Variants in LPA observed in about 807,000 individuals in gnomAD.
LPA encodes lipoprotein(a).
LPA carries 199 observed loss-of-function variants against 197.9 expected under a neutral mutation model. That is an observed-to-expected ratio of 1.01 (90% CI 0.90 to 1.13). The LOEUF (loss-of-function observed/expected upper bound fraction) is 1.13, where lower values mean the gene tolerates loss of function less well. Ranked by LOEUF, LPA falls within the 50% of genes most tolerant of loss-of-function variation. The pLI, the probability that LPA is intolerant of heterozygous loss-of-function variation, is 0.00. For synonymous variants in LPA, 715 were observed against 639.5 expected, an observed-to-expected ratio of 1.12 and a Z score of -1.78; for missense variants, 1,853 against 1,785.8, an observed-to-expected ratio of 1.04 and a Z score of -0.68.
At chr6:160,560,382 T>C (rs2115014892) in intron 28 of LPA, among the ~76,000 whole-genome samples, 1 of 152,346 alleles carries the variant, frequency 6.6e-6, no homozygotes, top group African/African-American at 2.4e-5. Context: ...TCCACAATGG[T>C]TGAACTAATT....
chr6:160,576,032 C>G (rs1003036579), intron 28 of LPA, among the ~76,000 whole-genome samples: 1 of 152,034 alleles, frequency 6.6e-6, no homozygotes, highest in African/African-American at 2.4e-5. Flanking sequence ...ATACAGCACA[C>G]TTATGGGGTT....
chr6:160,553,942 T>TGTGTGTGTGTGC (rs1448219805), intron 30 of LPA, among the ~76,000 whole-genome samples: 2 of 115,504 alleles, frequency 1.7e-5, no homozygotes, highest in African/African-American at 7.7e-5. Context: ...TCTCTCTGTG[T>TGTGTGTGTGTGC]GTGTGTGTGT....
intron 1 of LPA, among the ~76,000 whole-genome samples, chr6:160,662,157 T>C (rs575000276): frequency 2.6e-5 from 4 of 152,246 alleles, no homozygotes; most frequent in Non-Finnish European, 5.9e-5. Flanking sequence ...AGGGCTCATA[T>C]GGCAATGGGG....
chr6:160,610,490 T>C lies in LPA; in HGVS notation c.2603+1072A>G, dbSNP rs150551747. 4.2e-3 allele frequency among the ~76,000 whole-genome samples: 635 copies of C among 152,326 alleles called. 8 individuals carry two copies. The highest frequency in any genetic ancestry group is 0.015 in the African/African-American group (603 of 41,542). ...CAATAACACAGAGTGCTATGTGATC[T>C]CTATCTTCTTAATTGAGCTTGCTGT... On this transcript the variant is annotated intron_variant, in intron 16 of 38. Transcript: ENST00000316300.
At chr6:160,558,881 G>A (rs899637636) in intron 28 of LPA, among the ~76,000 whole-genome samples, 1 of 152,180 alleles carries the variant, frequency 6.6e-6, no homozygotes, top group African/African-American at 2.4e-5. Context: ...AACGTATTAT[G>A]TGCCATGGGA....
At chr6:160,533,231 G>A (rs1777834311) in intron 37 of LPA, among the ~76,000 whole-genome samples, 1 of 152,044 alleles carries the variant, frequency 6.6e-6, no homozygotes, top group Non-Finnish European at 1.5e-5. Flanking sequence ...GCCACTCAGT[G>A]GTACCTGCAA....
At chr6:160,555,455 ATGTGTGTG>A (rs112444533) in intron 30 of LPA, among the ~76,000 whole-genome samples, 15 of 133,014 alleles carry the variant, frequency 1.1e-4, no homozygotes, top group Middle Eastern at 3.9e-3. Context: ...ATATATATAT[ATGTGTGTG>A]TATATATATA....
chr6:160,578,847 A>T, intron 26 of LPA, 143 bp from the exon 27 acceptor site: 2 of 1,247,956 alleles, frequency 1.6e-6, no homozygotes, highest in South Asian at 1.3e-5. Flanking sequence ...TGCCACAAGC[A>T]CAAATGGTCT....
At chr6:160,594,310 A>G (rs1779089149) in intron 21 of LPA, among the ~76,000 whole-genome samples, 193 bp from the exon 22 acceptor site, 1 of 152,234 alleles carries the variant, frequency 6.6e-6, no homozygotes, top group Non-Finnish European at 1.5e-5. Flanking sequence ...ACGAGTTCTT[A>G]GAAAGATTTC....
intron 1 of LPA, among the ~76,000 whole-genome samples, chr6:160,657,051 C>G (rs898650206): frequency 2.2e-4 from 33 of 152,326 alleles, no homozygotes; most frequent in African/African-American, 7.5e-4. Context: ...CACTTGGCCC[C>G]TGCCACCTCA....
At chr6:160,539,049 A>T (rs1403281763) in intron 36 of LPA, among the ~76,000 whole-genome samples, 1 of 152,196 alleles carries the variant, frequency 6.6e-6, no homozygotes, top group Non-Finnish European at 1.5e-5. Context: ...AGAGTGTCAG[A>T]GGATTCCAGG....
At chr6:160,605,319 A>T in intron 17 of LPA, 114 bp from the exon 18 acceptor site, 1 of 1,223,558 alleles carries the variant, frequency 8.2e-7, no homozygotes, top group Non-Finnish European at 1.2e-6. Context: ...CCTCAGGAGA[A>T]TATGACAAGT....
Position 160,544,909 on chromosome 6 carries a change from G to A in LPA, c.5398+531C>T, listed in dbSNP as rs577635275. Reference sequence around the variant, plus strand: ...TAACAAGCAGTCTCTAAGCAATGTCGCTAATGGGACTCATGAGTAGTAATC... The same window carrying A: ...TAACAAGCAGTCTCTAAGCAATGTCACTAATGGGACTCATGAGTAGTAATC... On this transcript the variant is annotated intron_variant, in intron 33 of 38. Coordinates refer to ENST00000316300, the MANE Select transcript of LPA (RefSeq NM_005577.4). Among the ~76,000 whole-genome samples, 11 of 152,230 alleles carry A rather than the reference G, an allele frequency of 7.2e-5. No homozygotes were observed. The East Asian group carries it at 1.4e-3, about 19-fold the overall frequency.
chr6:160,631,992 G>A (rs867533779), intron 8 of LPA, among the ~76,000 whole-genome samples: 139 of 65,394 alleles, frequency 2.1e-3, no homozygotes, highest in African/African-American at 3.9e-3. Context: ...TGTGTTTTCA[G>A]TGTGTGTGTG....
At chr6:160,589,962 C>A (rs1215528803) in intron 23 of LPA, among the ~76,000 whole-genome samples, 1 of 152,210 alleles carries the variant, frequency 6.6e-6, no homozygotes, top group African/African-American at 2.4e-5. Context: ...GCCTATCAGT[C>A]AAAATTGCAC....
intron 30 of LPA, among the ~76,000 whole-genome samples, chr6:160,552,138 C>G (rs1414035800): frequency 6.6e-6 from 1 of 152,168 alleles, no homozygotes; most frequent in Non-Finnish European, 1.5e-5. Context: ...TCTTGAACAT[C>G]TGGGCTCAAG....
At chr6:160,660,687 C>T (rs932480041) in intron 1 of LPA, among the ~76,000 whole-genome samples, 3 of 151,818 alleles carry the variant, frequency 2.0e-5, no homozygotes. Flanking sequence ...CCTTTAGTTA[C>T]AAAAATGTTG....
chr6:160,581,547 T>C (rs1229920047), intron 26 of LPA, among the ~76,000 whole-genome samples: 1 of 152,102 alleles, frequency 6.6e-6, no homozygotes, highest in Non-Finnish European at 1.5e-5. Flanking sequence ...GGCAATCCTC[T>C]CATCTTGGCC....
chr6:160,561,710 T>C (rs1175993211), intron 28 of LPA, among the ~76,000 whole-genome samples: 1 of 152,242 alleles, frequency 6.6e-6, no homozygotes, highest in Non-Finnish European at 1.5e-5. Context: ...TAGCATGGAA[T>C]GTTTTTCCAT....
Sources: allele counts gnomAD v4.1 joint callset (sites outside exome capture counted in the v4.1 genomes callset), GRCh38; gene constraint gnomAD v4.1.1; transcripts MANE v1.5; gene names NCBI Gene and HGNC (gene_info 2026-07-23, HGNC 2026-07-21).